The following TPRG1 variants were observed in gnomAD, a reference collection of about 807,000 sequenced individuals.
TPRG1 encodes the protein tumor protein p63 regulated 1.
In TPRG1, 29 loss-of-function variants were observed where a neutral mutation model predicts 29.3. The ratio of observed to expected loss-of-function variants is 0.99; its 90% confidence interval spans 0.74 to 1.35. TPRG1 has a LOEUF of 1.35. Among genes scored for constraint, TPRG1 ranks in the 40% most tolerant of loss-of-function variants. TPRG1 has a pLI of 0.00. For synonymous variants in TPRG1, 130 were observed against 116.8 expected (o/e 1.11, Z -0.73); for missense variants, 327 against 335.0 (o/e 0.98, Z 0.19).
intron 2 of TPRG1, chr3:189,212,032 T>G (rs1735349531): frequency 2.6e-5 from 4 of 152,080 alleles, no homozygotes; most frequent in Admixed American, 2.6e-4. Context: ...AGACTGATAT[T>G]CAAAAGCAAC....
Position 189,149,469 on chromosome 3 carries a change from G to A in TPRG1, c.-226-1187G>A, listed in dbSNP as rs530272318. On this transcript the variant is annotated intron_variant, in intron 4 of 6. Coordinates refer to the TPRG1 transcript ENST00000412373. Reference sequence around the variant, plus strand: ...CAAGATCTCTAGGACTTTCTGTTCTGTGAAGACATGGAGCTTCTAGATGGC... The same window carrying A: ...CAAGATCTCTAGGACTTTCTGTTCTATGAAGACATGGAGCTTCTAGATGGC... 2.6e-5 allele frequency among the ~76,000 whole-genome samples: 4 copies of A among 152,296 alleles called. No homozygotes were observed. The East Asian group carries it at 7.7e-4, about 29-fold the overall frequency.
At chr3:189,116,888 C>G (rs995327273) in intron 1 of TPRG1, among the ~76,000 whole-genome samples, 18 of 152,028 alleles carry the variant, frequency 1.2e-4, no homozygotes, top group Non-Finnish European at 2.1e-4. Flanking sequence ...CTTAACAGTA[C>G]TGAAGTGTAC....
At chr3:189,113,433 C>A (rs112119520) in intron 1 of TPRG1, among the ~76,000 whole-genome samples, 4 of 151,880 alleles carry the variant, frequency 2.6e-5, no homozygotes, top group African/African-American at 9.7e-5. Flanking sequence ...AGTGGTGAGA[C>A]AGGGCATCCC....
At chr3:189,316,396 T>A (rs1436296447) in intron 5 of TPRG1, among the ~76,000 whole-genome samples, 1 of 152,154 alleles carries the variant, frequency 6.6e-6, no homozygotes, top group African/African-American at 2.4e-5. Flanking sequence ...ACAGGAGACT[T>A]GGAGACTTCC....
At chr3:189,018,995 T>C (rs1038194060) in intron 3 of TPRG1, among the ~76,000 whole-genome samples, 1 of 152,240 alleles carries the variant, frequency 6.6e-6, no homozygotes, top group South Asian at 2.1e-4. Context: ...TTGAAGCAAT[T>C]GTGAATGGGA....
intron 3 of TPRG1, among the ~76,000 whole-genome samples, chr3:189,228,940 G>A (rs890823248): frequency 2.6e-5 from 4 of 152,106 alleles, no homozygotes; most frequent in African/African-American, 7.2e-5. Flanking sequence ...TACAAGATCA[G>A]CACCATAAGT....
chr3:189,304,283 C>G (rs2109282416), intron 4 of TPRG1, among the ~76,000 whole-genome samples: 2 of 152,152 alleles, frequency 1.3e-5, no homozygotes, highest in Middle Eastern at 6.8e-3. Context: ...TTCAAGTTAC[C>G]CAGTTGAATA....
intron 4 of TPRG1, among the ~76,000 whole-genome samples, chr3:189,055,875 CT>C (rs1715636039): frequency 6.6e-6 from 1 of 152,066 alleles, no homozygotes; most frequent in African/African-American, 2.4e-5. Context: ...TCTCACTGCT[CT>C]GCTTTTCCCT....
chr3:189,255,954 A>G (rs924529437), intron 4 of TPRG1, among the ~76,000 whole-genome samples: 1 of 151,936 alleles, frequency 6.6e-6, no homozygotes, highest in Non-Finnish European at 1.5e-5. Flanking sequence ...ATCTTTTCCA[A>G]AAAAAACAGC....
intron 4 of TPRG1, among the ~76,000 whole-genome samples, chr3:189,084,103 A>T (rs1717778501): frequency 6.6e-6 from 1 of 151,958 alleles, no homozygotes; most frequent in African/African-American, 2.4e-5. Flanking sequence ...GTGAGCCAGG[A>T]TTGCACTGTT....
chr3:189,271,012 G>C (rs187747746), intron 4 of TPRG1, among the ~76,000 whole-genome samples: 1 of 152,106 alleles, frequency 6.6e-6, no homozygotes, highest in Non-Finnish European at 1.5e-5. Context: ...TATTTGATTG[G>C]GTACACACAC....
chr3:189,202,482 A>G (rs73889112), intron 1 of TPRG1, among the ~76,000 whole-genome samples: 10,560 of 152,246 alleles, frequency 0.069, 1,243 homozygotes, highest in African/African-American at 0.24. Flanking sequence ...TTCTGTTTCT[A>G]TAACTTTAAA....
chr3:189,037,660 G>T (rs1459173250), intron 4 of TPRG1, among the ~76,000 whole-genome samples: 2 of 151,768 alleles, frequency 1.3e-5, no homozygotes, highest in Non-Finnish European at 3.0e-5. Context: ...AGATATCACT[G>T]CTGGAAGATG....
intron 5 of TPRG1, among the ~76,000 whole-genome samples, chr3:189,316,415 A>G (rs1297071688): frequency 6.6e-6 from 1 of 152,122 alleles, no homozygotes; most frequent in Non-Finnish European, 1.5e-5. Context: ...CCTTCCATAC[A>G]CAGGGAGGCT....
intron 3 of TPRG1, among the ~76,000 whole-genome samples, chr3:189,015,007 G>C (rs1712850456): frequency 6.6e-6 from 1 of 152,092 alleles, no homozygotes; most frequent in South Asian, 2.1e-4. Context: ...AGTTTGGAGG[G>C]GTCAGAAGAA....
At chr3:189,031,696 C>T (rs1036981734) in intron 4 of TPRG1, among the ~76,000 whole-genome samples, 7 of 152,064 alleles carry the variant, frequency 4.6e-5, no homozygotes, top group Non-Finnish European at 7.4e-5. Flanking sequence ...TTTAATGAGA[C>T]GGTTGGTGAT....
intron 5 of TPRG1, among the ~76,000 whole-genome samples, chr3:189,312,085 C>G (rs185982529): frequency 8.4e-4 from 83 of 98,734 alleles, no homozygotes; most frequent in Admixed American, 1.0e-3. Flanking sequence ...CTTTATGTTT[C>G]TTTCTTTCTT....
intron 4 of TPRG1, among the ~76,000 whole-genome samples, chr3:189,066,479 G>A (rs1419149698): frequency 6.6e-6 from 1 of 151,946 alleles, no homozygotes; most frequent in Non-Finnish European, 1.5e-5. Flanking sequence ...ATGACCAAGT[G>A]GGATTCAACC....
At chr3:189,288,481 G>A (rs1718454494) in intron 4 of TPRG1, among the ~76,000 whole-genome samples, 1 of 152,158 alleles carries the variant, frequency 6.6e-6, no homozygotes, top group Non-Finnish European at 1.5e-5. Flanking sequence ...TTTTTTAAAG[G>A]TGCAAACCTG....
Sources: gnomAD v4.1 joint callset for allele counts (sites outside exome capture counted in the v4.1 genomes callset) on GRCh38, gnomAD v4.1.1 for gene constraint, MANE v1.5 for transcripts, NCBI Gene and HGNC (gene_info 2026-07-23, HGNC 2026-07-21) for gene names.